The following LRRC8A variants were observed in gnomAD, a reference collection of about 807,000 sequenced individuals.
The protein encoded by LRRC8A is leucine rich repeat containing 8 VRAC subunit A.
A neutral mutation model predicts 52.5 loss-of-function variants in LRRC8A; 24 were observed. That is an observed-to-expected ratio of 0.46 (90% CI 0.33 to 0.64). The LOEUF is 0.64. LRRC8A is among the 30% of genes least tolerant of loss of function. The pLI is 0.02. For synonymous variants in LRRC8A, 492 were observed against 494.2 expected (o/e 1.00, Z 0.06); for missense variants, 677 against 1,094.7 (o/e 0.62, Z 5.38).
chr9:128,885,208 T>C (rs1588192540), intron 1 of LRRC8A: 1 of 152,392 alleles, frequency 6.6e-6, no homozygotes, highest in Non-Finnish European at 1.5e-5. Context: ...CAGAGGCTGG[T>C]TGACTGTCGG....
In LRRC8A at chr9:128,916,352, C is replaced by T; in HGVS notation, c.2414C>T (p.Ala805Val). 1 of 1,611,466 alleles carries T rather than the reference C, an allele frequency of 6.2e-7. No homozygotes were observed. Among genetic ancestry groups the T allele is most frequent in the Non-Finnish European group, 8.5e-7 (1 of 1,179,784 alleles). The change falls in exon 4 of 4, where the codon GCT becomes GTT. Residue 805 changes from alanine to valine, a missense_variant. By Grantham distance (64) the Ala-to-Val change is moderately conservative. Coordinates refer to ENST00000372600, the MANE Select transcript of LRRC8A (RefSeq NM_019594.4). This position sits in a 1 kb window ranked among gnomAD's most constrained non-coding sequence, Gnocchi z 6.1. ...GAGGTGAAGGAGCGGCTGTGGAGGG[C>T]TGACAAGGAGCAGGCCTGAGCGAGG... ...PPEVKERLWR[A>V]DKEQA
Position 128,909,278 on chromosome 9 carries a change from G to A in LRRC8A, c.2114G>A (p.Gly705Asp), listed in dbSNP as rs754146417. ...NNLTFLPADI[G>D]LLQNLQNLAI... is the part of the protein sequence containing the mutation. ...CTGACCTTCCTCCCTGCCGACATCG[G>A]CCTCCTGCAGAACCTCCAGAACCTA... Residue 705 changes from glycine to aspartate, a missense_variant, in exon 3 of 4, where the codon GGC becomes GAC. This residue lies in a region of LRRC8A where 169 missense variants were observed against 217.6 expected (regional missense o/e 0.78). Transcript: ENST00000372600. The A allele has an allele frequency of 3.7e-6, 6 of 1,613,708 alleles. No individual in the cohort carries two copies. The South Asian group carries it at 6.6e-5, about 18-fold the overall frequency.
At chr9:128,896,086 C>A (rs966635879) in intron 2 of LRRC8A, among the ~76,000 whole-genome samples, 3 of 152,224 alleles carry the variant, frequency 2.0e-5, no homozygotes, top group Non-Finnish European at 2.9e-5. Context: ...TCCCTAGATA[C>A]AATCATTATC....
intron 3 of LRRC8A, among the ~76,000 whole-genome samples, chr9:128,909,761 C>T (rs1252888761): frequency 6.6e-6 from 1 of 152,180 alleles, no homozygotes; most frequent in African/African-American, 2.4e-5. Context: ...CCCAGTCGGA[C>T]TTGGAGGCAA....
At chr9:128,909,401 C>T (rs1196572253) in intron 3 of LRRC8A, 80 bp downstream of exon 3, 4 of 1,396,002 alleles carry the variant, frequency 2.9e-6, no homozygotes, top group South Asian at 1.2e-5. Flanking sequence ...TCGGCAGGCT[C>T]AGTGTCCTGG....
At chr9:128,895,337 A>C (rs1839782833) in intron 2 of LRRC8A, among the ~76,000 whole-genome samples, 1 of 152,188 alleles carries the variant, frequency 6.6e-6, no homozygotes, top group East Asian at 1.9e-4. Flanking sequence ...CCACGGAGCA[A>C]AGCAAGACTG....
At chr9:128,910,457 C>T (rs1840464153) in intron 3 of LRRC8A, among the ~76,000 whole-genome samples, 1 of 152,184 alleles carries the variant, frequency 6.6e-6, no homozygotes, top group Non-Finnish European at 1.5e-5. Flanking sequence ...CTTAGGGAAG[C>T]CAAGGTGGGG....
chr9:128,890,130 T>TTGTGTGTGTGTGTGTGTGTGTGTG (rs57721007), intron 2 of LRRC8A, among the ~76,000 whole-genome samples: 38 of 128,306 alleles, frequency 3.0e-4, no homozygotes, highest in Admixed American at 5.2e-4. Context: ...TGGCTTCATT[T>TTGTGTGTGTGTGTGTGTGTGTGTG]TGTGTGTGTG....
chr9:128,891,783 C>A (rs907058679), intron 2 of LRRC8A, among the ~76,000 whole-genome samples: 2 of 152,142 alleles, frequency 1.3e-5, no homozygotes, highest in Non-Finnish European at 2.9e-5. Context: ...CAAGAAGTAT[C>A]TTCAAGGGCC....
chr9:128,916,323 A>C lies in LRRC8A; in HGVS notation c.2385A>C (p.Pro795=). The change falls in exon 4 of 4, where the codon CCA becomes CCC. Residue 795 remains proline, a synonymous_variant. Transcript: ENST00000372600. This position sits in a 1 kb window ranked among gnomAD's most constrained non-coding sequence, Gnocchi z 6.1. ...AGGAGGACCTGTTCAACACACTGCC[A>C]CCCGAGGTGAAGGAGCGGCTGTGGA... The part of the protein sequence containing the change: ...VVEEDLFNTL[P]PEVKERLWRA... 1 of 1,612,484 alleles carries C rather than the reference A, an allele frequency of 6.2e-7. No individual in the cohort carries two copies. Among genetic ancestry groups the C allele is most frequent in the Non-Finnish European group, 8.5e-7 (1 of 1,179,928 alleles).
chr9:128,916,081 CT>C lies in LRRC8A; in HGVS notation c.2158-9del. The C allele has an allele frequency of 6.3e-7, 1 of 1,590,196 alleles. No individual in the cohort carries two copies. Among genetic ancestry groups the C allele is most frequent in the Non-Finnish European group, 8.6e-7 (1 of 1,164,046 alleles). On this transcript the variant is annotated splice_polypyrimidine_tract_variant and intron_variant, in intron 3 of 3. Coordinates refer to ENST00000372600, the MANE Select transcript of LRRC8A (RefSeq NM_019594.4). This position sits in a 1 kb window ranked among gnomAD's most constrained non-coding sequence, Gnocchi z 6.1. The stretch of plus-strand genomic sequence containing the variant: ...CACACCCACCTCACTCTCACCCCTG[CT>C]TTTTTCCCTCCAGATCGAGACGCTC...
At chr9:128,883,897 C>T (rs1839270326) in intron 1 of LRRC8A, among the ~76,000 whole-genome samples, 1 of 152,084 alleles carries the variant, frequency 6.6e-6, no homozygotes, top group African/African-American at 2.4e-5. Context: ...TTGCTTGAAC[C>T]CAGCAGGCAG....
intron 3 of LRRC8A, among the ~76,000 whole-genome samples, chr9:128,915,157 G>T (rs964073266): frequency 5.3e-5 from 8 of 152,156 alleles, no homozygotes; most frequent in Admixed American, 4.6e-4. Flanking sequence ...TACGGGTGTC[G>T]TCTGTTAACA....
In LRRC8A at chr9:128,891,476, G is replaced by A. The variant is rs144710921; in HGVS notation, c.-9+5355G>A. Reference sequence around the variant, plus strand: ...ACTCGGAGGCTGAGGCTGGAGGATCGCTTGAGCCAAGGAGTTCAAAGTTGC... The same window carrying A: ...ACTCGGAGGCTGAGGCTGGAGGATCACTTGAGCCAAGGAGTTCAAAGTTGC... On this transcript the variant is annotated intron_variant, in intron 2 of 3. Coordinates refer to ENST00000372600, the MANE Select transcript of LRRC8A (RefSeq NM_019594.4). Among the ~76,000 whole-genome samples the A allele has an allele frequency of 3.1e-3, 479 of 152,282 alleles. 2 individuals carry two copies. Among genetic ancestry groups the A allele is most frequent in the African/African-American group, 0.011 (467 of 41,554 alleles).
In LRRC8A at chr9:128,907,872, G is replaced by C; in HGVS notation, c.708G>C (p.Glu236Asp). The change falls in exon 3 of 4, where the codon GAG becomes GAC. Residue 236 changes from glutamate to aspartate, a missense_variant. This residue lies in a region of LRRC8A where 422 missense variants were observed against 741.5 expected (regional missense o/e 0.57). Transcript: ENST00000372600. The surrounding 1 kb of genome is among the most constrained non-coding windows in gnomAD (Gnocchi z 9.3). The stretch of plus-strand genomic sequence containing the variant: ...AGACGGGCGTGCTGGACAAGAAGGA[G>C]GGGGAGCAAGCCAAGGCGCTGTTTG... ...RSETGVLDKKEGEQAKALFEK... is the reference protein window; with the variant it reads ...RSETGVLDKKDGEQAKALFEK... 1 of 1,614,116 alleles carries C rather than the reference G, an allele frequency of 6.2e-7. No individual in the cohort carries two copies. Among genetic ancestry groups the C allele is most frequent in the Non-Finnish European group, 8.5e-7 (1 of 1,180,026 alleles).
intron 2 of LRRC8A, among the ~76,000 whole-genome samples, chr9:128,898,272 G>A (rs1444509547): frequency 6.6e-6 from 1 of 152,112 alleles, no homozygotes; most frequent in African/African-American, 2.4e-5. Flanking sequence ...CCAGGCTGGA[G>A]GGCAGTGGTG....
intron 1 of LRRC8A, among the ~76,000 whole-genome samples, chr9:128,883,337 C>T (rs1839207165): frequency 6.6e-6 from 1 of 152,216 alleles, no homozygotes; most frequent in Non-Finnish European, 1.5e-5. Flanking sequence ...TGTATTCTGC[C>T]CTTTGGAGCA....
At position 128,911,484 on chromosome 9, in the gene LRRC8A, G is replaced by T. The variant is rs1399862728; in HGVS notation, c.2157+2163G>T. ...ACCCAGCCCTTCTTTAATCTGTGGA[G>T]GGGGAGACCCTGTGGCTTCCCCATA... On this transcript the variant is annotated intron_variant, in intron 3 of 3. Transcript: ENST00000372600. This position sits in a 1 kb window ranked among gnomAD's most constrained non-coding sequence, Gnocchi z 4.9. Among the ~76,000 whole-genome samples, 1 of 152,178 alleles carries T rather than the reference G, an allele frequency of 6.6e-6. No individual in the cohort carries two copies. Among genetic ancestry groups the T allele is most frequent in the Non-Finnish European group, 1.5e-5 (1 of 68,030 alleles).
At chr9:128,883,931 G>A (rs927533298) in intron 1 of LRRC8A, among the ~76,000 whole-genome samples, 3 of 151,810 alleles carry the variant, frequency 2.0e-5, no homozygotes, top group Non-Finnish European at 1.5e-5. Context: ...CCAAGATCGC[G>A]CCATTGCACT....
Sources: allele counts gnomAD v4.1 joint callset (sites outside exome capture counted in the v4.1 genomes callset), GRCh38; gene constraint gnomAD v4.1.1; regional missense constraint gnomAD v4.1.1; non-coding constraint Gnocchi (gnomAD v3.1); transcripts MANE v1.5; gene names NCBI Gene and HGNC (gene_info 2026-07-23, HGNC 2026-07-21).